Variants in EYA2 observed in about 807,000 individuals in gnomAD.
The protein encoded by EYA2 is EYA transcriptional coactivator and phosphatase 2.
In EYA2, 31 loss-of-function variants were observed where a neutral mutation model predicts 69.2. The ratio of observed to expected loss-of-function variants is 0.45; its 90% CI spans 0.34 to 0.60. The LOEUF (loss-of-function observed/expected upper bound fraction) is 0.60, where lower values mean the gene tolerates loss of function less well. Ranked by LOEUF, EYA2 falls within the 20% of genes least tolerant of loss-of-function variation. The pLI is 0.02. For synonymous variants in EYA2, 257 were observed against 279.4 expected (o/e 0.92, Z 0.80); for missense variants, 622 against 701.2 (o/e 0.89, Z 1.28).
intron 1 of EYA2, among the ~76,000 whole-genome samples, chr20:46,939,974 C>CATATA (rs1986084372): frequency 6.6e-6 from 1 of 152,108 alleles, no homozygotes; most frequent in Non-Finnish European, 1.5e-5. Flanking sequence ...CAGTACTGAG[C>CATATA]ATATAGTAAG....
chr20:46,956,855 G>A (rs950007526), intron 1 of EYA2, among the ~76,000 whole-genome samples: 8 of 152,200 alleles, frequency 5.3e-5, no homozygotes, highest in Admixed American at 6.5e-5. Context: ...AAAGGCAAAA[G>A]GCATGTCTTA....
At chr20:47,027,529 T>G (rs1984164199) in intron 5 of EYA2, among the ~76,000 whole-genome samples, 2 of 152,214 alleles carry the variant, frequency 1.3e-5, no homozygotes, top group Admixed American at 1.3e-4. Flanking sequence ...AGCTAAAGTC[T>G]TCTGAATTTA....
At chr20:47,091,438 G>T (rs2032081230) in intron 8 of EYA2, among the ~76,000 whole-genome samples, 2 of 152,158 alleles carry the variant, frequency 1.3e-5, no homozygotes, top group South Asian at 4.1e-4. Context: ...TTGGTTGCAA[G>T]CAACAGAAAC....
At position 47,171,987 on chromosome 20, in the gene EYA2, G is replaced by A. The variant is rs546536981; in HGVS notation, c.1038-720G>A. Reference sequence around the variant, plus strand: ...GGGCACCTGTAATCCCAGCTACTTGGGAGGGGGAGGCTGAGGCAGGAGAAT... The same window carrying A: ...GGGCACCTGTAATCCCAGCTACTTGAGAGGGGGAGGCTGAGGCAGGAGAAT... On this transcript the variant is annotated intron_variant, in intron 11 of 15. Transcript: ENST00000327619. Among the ~76,000 whole-genome samples, 7 of 151,972 alleles carry A rather than the reference G, an allele frequency of 4.6e-5. No individual in the cohort carries two copies. The South Asian group carries it at 1.5e-3, about 32-fold the overall frequency.
chr20:47,064,949 T>C (rs2031053532), intron 5 of EYA2, among the ~76,000 whole-genome samples: 1 of 152,196 alleles, frequency 6.6e-6, no homozygotes, highest in Admixed American at 6.5e-5. Flanking sequence ...GGAGGTTTAA[T>C]TGACTCACAG....
intron 9 of EYA2, among the ~76,000 whole-genome samples, chr20:47,104,320 C>G (rs2032513474): frequency 6.6e-6 from 1 of 152,150 alleles, no homozygotes; most frequent in Non-Finnish European, 1.5e-5. Flanking sequence ...TTTTATATAT[C>G]TGGATACCAG....
chr20:46,934,582 C>A (rs892752486), intron 1 of EYA2, among the ~76,000 whole-genome samples: 2 of 152,154 alleles, frequency 1.3e-5, no homozygotes, highest in African/African-American at 2.4e-5. Flanking sequence ...GCGGGAGAGG[C>A]TCTCCAAGGG....
intron 9 of EYA2, among the ~76,000 whole-genome samples, chr20:47,102,691 C>T (rs930174632): frequency 3.3e-5 from 5 of 152,214 alleles, no homozygotes; most frequent in Admixed American, 1.3e-4. Context: ...CTGCTTGAGG[C>T]TGTCATCTCT....
chr20:47,143,126 A>G lies in EYA2; in HGVS notation c.956A>G (p.His319Arg), dbSNP rs1379721352. ...ATGATCTTCAACCTTGCAGATACAC[A>G]TCTGTTCTTCAATGACCTGGAGGTT... ...EEMIFNLADT[H>R]LFFNDLEDCD... is the part of the protein sequence containing the mutation. Residue 319 changes from histidine (H) to arginine (R), a missense_variant, in exon 10 of 16, where the codon CAT becomes CGT. By Grantham distance (29) the His-to-Arg change is conservative. Around this residue, in one of 2 missense-constraint regions of EYA2, gnomAD observed 257 missense variants for 351.5 expected, o/e 0.73. Coordinates refer to ENST00000327619, the MANE Select transcript of EYA2 (RefSeq NM_005244.5). 47 of 1,613,362 alleles carry G rather than the reference A, an allele frequency of 2.9e-5. No individual in the cohort carries two copies. Among genetic ancestry groups the G allele is most frequent in the Non-Finnish European group, 3.9e-5 (46 of 1,179,750 alleles).
intron 9 of EYA2, among the ~76,000 whole-genome samples, chr20:47,124,721 A>C (rs2033135119): frequency 6.6e-6 from 1 of 152,134 alleles, no homozygotes; most frequent in Admixed American, 6.6e-5. Context: ...GAAACCCCTC[A>C]ATCCCAGGCA....
chr20:46,992,168 T>G (rs1568710136), intron 2 of EYA2, among the ~76,000 whole-genome samples: 1 of 152,086 alleles, frequency 6.6e-6, no homozygotes, highest in South Asian at 2.1e-4. Flanking sequence ...ATTCTCCTCC[T>G]CCCTCCCTGT....
At chr20:47,070,052 C>T (rs1345348747) in intron 5 of EYA2, among the ~76,000 whole-genome samples, 1 of 152,098 alleles carries the variant, frequency 6.6e-6, no homozygotes, top group Admixed American at 6.6e-5. Flanking sequence ...AAATCAACAA[C>T]CTACAATCTT....
chr20:47,026,747 T>C (rs12624326), intron 5 of EYA2, among the ~76,000 whole-genome samples: 100,237 of 152,004 alleles, frequency 0.66, 35,579 homozygotes, highest in Non-Finnish European at 0.8. Context: ...CTGTAGCAAA[T>C]TAGAGACTAA....
chr20:47,056,250 C>A (rs1366447907), intron 5 of EYA2, among the ~76,000 whole-genome samples: 1 of 152,134 alleles, frequency 6.6e-6, no homozygotes, highest in South Asian at 2.1e-4. Flanking sequence ...CGACTCACAG[C>A]AGCAAGGCAG....
rs549600469 is a variant in EYA2 at position 47,048,496 on chromosome 20, G to A, written c.416-23689G>A. The stretch of plus-strand genomic sequence containing the variant: ...CCCATACCTGTAATTCTAGCAGTTT[G>A]GGAGACCAAGGCAGGTGGATCACAA... On this transcript the variant is annotated intron_variant, in intron 5 of 15. Transcript: ENST00000327619. 4.3e-4 allele frequency among the ~76,000 whole-genome samples: 65 copies of A among 152,330 alleles called. 1 individual carries two copies. In the South Asian group the frequency reaches 0.013, roughly 30 times the overall value.
At chr20:47,187,763 A>C (rs558875402) in intron 15 of EYA2, among the ~76,000 whole-genome samples, 5 of 152,364 alleles carry the variant, frequency 3.3e-5, no homozygotes, top group African/African-American at 1.2e-4. Flanking sequence ...ATGTCAGTGC[A>C]CCGCCTAAGA....
At chr20:47,154,868 T>C (rs1466969693) in intron 10 of EYA2, among the ~76,000 whole-genome samples, 4 of 147,752 alleles carry the variant, frequency 2.7e-5, no homozygotes, top group African/African-American at 7.5e-5. Context: ...TGTTTTGAGA[T>C]GGAGCCTCGC....
intron 1 of EYA2, among the ~76,000 whole-genome samples, chr20:46,964,804 G>T (rs1979677387): frequency 6.6e-6 from 1 of 152,232 alleles, no homozygotes; most frequent in African/African-American, 2.4e-5. Context: ...CAGCCGGGCA[G>T]TGCGGCTCTA....
chr20:47,179,972 G>A, intron 13 of EYA2, 60 bp downstream of exon 13: 1 of 1,193,110 alleles, frequency 8.4e-7, no homozygotes, highest in Non-Finnish European at 1.2e-6. Context: ...AGACAGTGGT[G>A]GCTCCTGCAT....
Sources: gnomAD v4.1 joint callset for allele counts (sites outside exome capture counted in the v4.1 genomes callset) on GRCh38, gnomAD v4.1.1 for gene constraint, gnomAD v4.1.1 regional missense constraint, MANE v1.5 for transcripts, NCBI Gene and HGNC (gene_info 2026-07-23, HGNC 2026-07-21) for gene names.